Variants in LEO1 observed in about 807,000 individuals in gnomAD.
The protein encoded by LEO1 is RNA polymerase-associated protein LEO1.
A neutral mutation model predicts 80.4 loss-of-function variants in LEO1; 34 were observed. That is an observed-to-expected ratio of 0.42 (90% CI 0.32 to 0.56). The LOEUF is 0.56. Ranked by LOEUF, LEO1 falls within the 20% of genes least tolerant of loss-of-function variation. The pLI is 0.10. For synonymous variants in LEO1, 262 were observed against 274.9 expected, an observed-to-expected ratio of 0.95 and a Z score of 0.46; for missense variants, 631 against 814.2, an observed-to-expected ratio of 0.77 and a Z score of 2.74.
At chr15:51,946,226 G>A (rs1421430264) in intron 11 of LEO1, among the ~76,000 whole-genome samples, 1 of 152,068 alleles carries the variant, frequency 6.6e-6, no homozygotes, top group African/African-American at 2.4e-5. Context: ...TTTTACTCCT[G>A]TTGCCCAGGC....
intron 8 of LEO1, 46 bp downstream of exon 8, chr15:51,953,083 A>G (rs754036307): frequency 6.5e-7 from 1 of 1,535,858 alleles, no homozygotes; most frequent in South Asian, 1.2e-5. Context: ...TCTATGTTTC[A>G]CTGCTTTTAC....
intron 11 of LEO1, among the ~76,000 whole-genome samples, chr15:51,940,868 C>T (rs1024351663): frequency 6.6e-6 from 1 of 151,864 alleles, no homozygotes; most frequent in African/African-American, 2.4e-5. Context: ...GAGGCTGAGG[C>T]GGGCAGATCA....
At position 51,938,266 on chromosome 15, in the gene LEO1, C is replaced by G. The variant is rs767518793; in HGVS notation, c.1897-6G>C. On this transcript the variant is annotated splice_polypyrimidine_tract_variant and splice_region_variant and intron_variant, in intron 11 of 11. Coordinates refer to ENST00000299601, the MANE Select transcript of LEO1 (RefSeq NM_138792.4). The stretch of plus-strand genomic sequence containing the variant: ...TTTCCGGAAGGTTCACCTTCCTAAA[C>G]AGATACAATTTTTACAAATCTACAA... 35 of 1,515,800 alleles carry G rather than the reference C, an allele frequency of 2.3e-5. No individual in the cohort carries two copies. Among genetic ancestry groups the G allele is most frequent in the Middle Eastern group, 1.7e-4 (1 of 5,882 alleles). The allele number at this position is 1,515,800 out of a possible 1,614,324, so 93.9% of individuals were successfully genotyped here. A position where few individuals can be genotyped will look rare whatever the true frequency, so the allele number is the denominator to read the frequency against.
intron 11 of LEO1, among the ~76,000 whole-genome samples, chr15:51,946,796 C>T (rs1041960251): frequency 1.3e-5 from 2 of 152,026 alleles, no homozygotes. Flanking sequence ...TCTGCCTAGC[C>T]CTCCCAGAAT....
intron 1 of LEO1, among the ~76,000 whole-genome samples, chr15:51,971,344 A>G (rs1412631796): frequency 6.6e-6 from 1 of 151,674 alleles, no homozygotes; most frequent in Non-Finnish European, 1.5e-5. Context: ...AACAGCCCTT[A>G]CTCTACGCTG....
At chr15:51,969,178 C>T (rs1372168023) in intron 1 of LEO1, among the ~76,000 whole-genome samples, 3 of 151,686 alleles carry the variant, frequency 2.0e-5, no homozygotes, top group Non-Finnish European at 4.4e-5. Context: ...AGGCTGGTCT[C>T]GAACTCCTGA....
At chr15:51,959,772 A>AT in intron 5 of LEO1, 127 bp downstream of exon 5, 3 of 851,424 alleles carry the variant, frequency 3.5e-6, no homozygotes, top group Non-Finnish European at 5.3e-6. Context: ...TGCTTGACTA[A>AT]TTTTTTCAGA....
At chr15:51,940,254 CAAAAAA>C (rs745641318) in intron 11 of LEO1, among the ~76,000 whole-genome samples, 7 of 37,932 alleles carry the variant, frequency 1.8e-4, no homozygotes, top group Non-Finnish European at 3.4e-4. Context: ...GACTCCGTAT[CAAAAAA>C]AAAAAAAAAA....
chr15:51,971,171 C>G (rs1428125197), intron 1 of LEO1, among the ~76,000 whole-genome samples: 1 of 152,180 alleles, frequency 6.6e-6, no homozygotes, highest in Non-Finnish European at 1.5e-5. Flanking sequence ...TGTGAAACAT[C>G]TATCTGTAAC....
At chr15:51,958,111 A>G (rs1167675629) in intron 6 of LEO1, among the ~76,000 whole-genome samples, 1 of 152,204 alleles carries the variant, frequency 6.6e-6, no homozygotes, top group Non-Finnish European at 1.5e-5. Context: ...TTCCAGTTTC[A>G]GTATCATGCA....
At chr15:51,944,769 A>G (rs2056885153) in intron 11 of LEO1, among the ~76,000 whole-genome samples, 1 of 152,178 alleles carries the variant, frequency 6.6e-6, no homozygotes. Context: ...CATATATACT[A>G]TGTGTAATAA....
At chr15:51,942,203 TG>T (rs1224025037) in intron 11 of LEO1, among the ~76,000 whole-genome samples, 2 of 152,060 alleles carry the variant, frequency 1.3e-5, no homozygotes, top group Non-Finnish European at 2.9e-5. Flanking sequence ...GAAGAGGCAA[TG>T]GCAGGGGTTG....
intron 11 of LEO1, among the ~76,000 whole-genome samples, chr15:51,939,405 A>G (rs1288031342): frequency 6.6e-6 from 1 of 152,128 alleles, no homozygotes. Context: ...TATTATCCCA[A>G]ATACATTCCC....
rs1480697675 is a variant in LEO1 at position 51,966,238 on chromosome 15, C to T, written c.325G>A (p.Gly109Arg). 1 of 1,613,968 alleles carries T rather than the reference C, an allele frequency of 6.2e-7. No homozygotes were observed. The highest frequency in any genetic ancestry group is 1.3e-5 in the African/African-American group (1 of 75,034). The change falls in exon 2 of 12, where the codon GGA (glycine) becomes AGA (arginine). Residue 109 changes from glycine to arginine, a missense_variant. By Grantham distance (125) the Gly-to-Arg change is moderately radical (BLOSUM62 -2). Coordinates refer to ENST00000299601, the MANE Select transcript of LEO1 (RefSeq NM_138792.4). ...TCATCATCATTAGGGGCTTCTGATC[C>T]ACTGTGCTGATCTACATCTGAGGGG... The part of the protein sequence containing the change: ...NDPSDVDQHS[G>R]SEAPNDDEDE...
intron 11 of LEO1, among the ~76,000 whole-genome samples, chr15:51,940,276 AAAG>A (rs1265286038): frequency 2.1e-5 from 3 of 142,852 alleles, no homozygotes; most frequent in Non-Finnish European, 4.5e-5. Context: ...AAAAAAAAAA[AAAG>A]GTTGGGCGTG....
chr15:51,945,965 C>A (rs1013963977), intron 11 of LEO1, among the ~76,000 whole-genome samples: 1 of 151,538 alleles, frequency 6.6e-6, no homozygotes, highest in African/African-American at 2.4e-5. Context: ...ACCCAGGAGG[C>A]AGAGCTTGCA....
At position 51,965,922 on chromosome 15, in the gene LEO1, T is replaced by C. The variant is rs372315793; in HGVS notation, c.641A>G (p.Asp214Gly). The C allele has an allele frequency of 1.9e-6, 3 of 1,614,062 alleles. No homozygotes were observed. The highest frequency in any genetic ancestry group is 1.7e-5 in the Admixed American group (1 of 59,994). ...LSEEEKANSDDERPVASDNDD... is the reference protein window; with the variant it reads ...LSEEEKANSDGERPVASDNDD... ...ATTATCAGAAGCTACCGGCCGTTCATCATCAGAATTAGCCTTTTCCTCCTC... is the reference window on the plus strand; with the variant it reads ...ATTATCAGAAGCTACCGGCCGTTCACCATCAGAATTAGCCTTTTCCTCCTC... Residue 214 changes from aspartate to glycine, a missense_variant, in exon 2 of 12, where the codon GAT becomes GGT. Asp to Gly is a moderately conservative substitution (Grantham distance 94, BLOSUM62 -1). Transcript: ENST00000299601.
intron 11 of LEO1, among the ~76,000 whole-genome samples, chr15:51,940,040 G>C (rs1200327889): frequency 1.3e-5 from 2 of 152,020 alleles, no homozygotes; most frequent in Non-Finnish European, 2.9e-5. Context: ...CAGATCACGA[G>C]GTCAGGAGTT....
At chr15:51,964,342 C>T (rs1317732650) in intron 2 of LEO1, among the ~76,000 whole-genome samples, 5 of 151,802 alleles carry the variant, frequency 3.3e-5, no homozygotes, top group Non-Finnish European at 7.4e-5. Flanking sequence ...TAGGTGGGAA[C>T]TGAGTAATGA....
Sources: gnomAD v4.1 joint callset for allele counts (sites outside exome capture counted in the v4.1 genomes callset) on GRCh38, gnomAD v4.1.1 for gene constraint, MANE v1.5 for transcripts, NCBI Gene and HGNC (gene_info 2026-07-23, HGNC 2026-07-21) for gene names.